Variants in FBXL19 observed in about 807,000 individuals in gnomAD.
The protein encoded by FBXL19 is F-box/LRR-repeat protein 19.
Under a neutral mutation model 71.2 loss-of-function variants are expected in FBXL19, and 16 were observed. The observed-to-expected ratio is 0.22, with a 90% CI of 0.15 to 0.34. The LOEUF (loss-of-function observed/expected upper bound fraction) is 0.34, where lower values mean the gene tolerates loss of function less well. Ranked by LOEUF, FBXL19 falls within the 10% of genes least tolerant of loss-of-function variation. The pLI, the probability that FBXL19 is intolerant of heterozygous loss-of-function variation, is 1.00. For missense variants in FBXL19, 658 were observed against 968.2 expected (o/e 0.68, Z 4.25); for synonymous variants, 447 against 409.4 (o/e 1.09, Z -1.11).
chr16:30,945,850 A>AAAAC (rs1491517037), intron 9 of FBXL19, among the ~76,000 whole-genome samples: 67 of 52,336 alleles, frequency 1.3e-3, no homozygotes, highest in Non-Finnish European at 1.9e-3. Context: ...CGTCTCGGGG[A>AAAAC]AAAAAAAAAA....
chr16:30,922,936 T>C, upstream of FBXL19: 1 of 411,634 alleles, frequency 2.4e-6, no homozygotes, highest in South Asian at 1.8e-5. Flanking sequence ...ATCTTTACGG[T>C]AGTCTCCTCG....
In FBXL19 at chr16:30,946,712, T is replaced by C. The variant is rs1234143085; in HGVS notation, c.1628-18T>C. 3.7e-6 allele frequency: 6 copies of C among 1,606,576 alleles called. No homozygotes were observed. The East Asian group carries it at 1.3e-4, about 36-fold the overall frequency. ...ATGGGAGTGGCCAGGAGTGCTGACC[T>C]CTCATCTGGCTGCCCAGGGCAAACA... On this transcript the variant is annotated intron_variant, in intron 9 of 10. Coordinates refer to ENST00000338343, the MANE Select transcript of FBXL19 (RefSeq NM_001382779.1). This position sits in a 1 kb window ranked among gnomAD's most constrained non-coding sequence, Gnocchi z 6.7.
chr16:30,939,036 G>A (rs890597948), intron 7 of FBXL19, among the ~76,000 whole-genome samples: 4 of 151,982 alleles, frequency 2.6e-5, no homozygotes, highest in African/African-American at 9.7e-5. Context: ...CACCTGGCTA[G>A]GATTTAATAA....
At chr16:30,941,920 G>A (rs1330340486) in intron 7 of FBXL19, among the ~76,000 whole-genome samples, 196 bp from the exon 8 acceptor site, 1 of 152,174 alleles carries the variant, frequency 6.6e-6, no homozygotes, top group Non-Finnish European at 1.5e-5. Flanking sequence ...GACTTGCCCA[G>A]GGTCTCATTT....
chr16:30,925,890 G>T lies in FBXL19; in HGVS notation c.136G>T (p.Gly46Trp). 1 of 1,503,106 alleles carries T rather than the reference G, an allele frequency of 6.7e-7. No homozygotes were observed. The highest frequency in any genetic ancestry group is 1.4e-5 in the South Asian group (1 of 73,616). 93.1% of individuals were successfully genotyped at this position (1,503,106 alleles called of 1,614,324 possible). ...AGACATGAAGAAGTTCGGGGGGCCC[G>T]GGCGCATGAAGCAGTCGTGCCTGCT... ...CRDMKKFGGP[G>W]RMKQSCLLRQ... The change falls in exon 2 of 11, where the codon GGG becomes TGG. Residue 46 changes from glycine to tryptophan, a missense_variant. Gly to Trp is a radical substitution (Grantham distance 184). Transcript: ENST00000338343. The surrounding 1 kb of genome is among the most constrained non-coding windows in gnomAD (Gnocchi z 5.0).
chr16:30,946,751 G>A lies in FBXL19; in HGVS notation c.1649G>A (p.Arg550Gln), dbSNP rs774083377. The change falls in exon 10 of 11, where the codon CGG becomes CAG. Residue 550 changes from arginine (R) to glutamine (Q), a missense_variant. Transcript: ENST00000338343. This position sits in a 1 kb window ranked among gnomAD's most constrained non-coding sequence, Gnocchi z 6.7. The part of the protein sequence containing the change: ...TKPGQTESRG[R>Q]LQGVAELRLA... ...CCAGGGCAAACAGAGAGCCGTGGTC[G>A]GCTGCAGGGGGTGGCAGAACTGCGT... 3 of 1,613,020 alleles carry A rather than the reference G, an allele frequency of 1.9e-6. No individual in the cohort carries two copies. Among genetic ancestry groups the A allele is most frequent in the Non-Finnish European group, 1.7e-6 (2 of 1,179,736 alleles).
chr16:30,940,498 C>G lies in FBXL19; in HGVS notation c.1302-1618C>G, dbSNP rs143458288. Among the ~76,000 whole-genome samples the G allele has an allele frequency of 2.8e-3, 419 of 151,930 alleles. 1 individual carries two copies. Among genetic ancestry groups the G allele is most frequent in the African/African-American group, 7.1e-3 (295 of 41,394 alleles). On this transcript the variant is annotated intron_variant, in intron 7 of 10. Transcript: ENST00000338343. ...AGTCTCAGAGGCATTTCTGGACATGCCTTTGAGAACTACTGAACTCAGAGA... is the reference window on the plus strand; with the variant it reads ...AGTCTCAGAGGCATTTCTGGACATGGCTTTGAGAACTACTGAACTCAGAGA...
Position 30,942,073 on chromosome 16 carries a change from G to C in FBXL19, c.1302-43G>C. On this transcript the variant is annotated intron_variant, in intron 7 of 10. Coordinates refer to ENST00000338343, the MANE Select transcript of FBXL19 (RefSeq NM_001382779.1). The surrounding 1 kb of genome is among the most constrained non-coding windows in gnomAD (Gnocchi z 5.7). ...GAGCCTGGGAACTGTGGGCTGCTGA[G>C]AGCTGAGGGCTGAGGTCTCTGTCTC... The C allele has an allele frequency of 6.7e-7, 1 of 1,492,536 alleles. No individual in the cohort carries two copies. The highest frequency in any genetic ancestry group is 9.0e-7 in the Non-Finnish European group (1 of 1,116,834). 92.5% of individuals were successfully genotyped at this position (1,492,536 alleles called of 1,614,324 possible).
At position 30,948,566 on chromosome 16, in the gene FBXL19, C is replaced by A. The variant is rs1224517937; in HGVS notation, c.*1336C>A. ...GGAGGGGAGATCTATCCACATACCTCAGGTAACAGGGAGGTGCGCGGGTGG... is the reference window on the plus strand; with the variant it reads ...GGAGGGGAGATCTATCCACATACCTAAGGTAACAGGGAGGTGCGCGGGTGG... On this transcript the variant is annotated 3_prime_UTR_variant, in exon 11 of 11. Coordinates refer to ENST00000338343, the MANE Select transcript of FBXL19 (RefSeq NM_001382779.1). 1 of 129,650 alleles carries A rather than the reference C, an allele frequency of 7.7e-6. No homozygotes were observed. Among genetic ancestry groups the A allele is most frequent in the Non-Finnish European group, 1.6e-5 (1 of 63,414 alleles). 8.0% of individuals were successfully genotyped at this position (129,650 alleles called of 1,614,324 possible).
chr16:30,946,851 C>T lies in FBXL19; in HGVS notation c.1749C>T (p.Asp583=). 6.2e-7 allele frequency: 1 copy of T among 1,612,154 alleles called. No homozygotes were observed. Among genetic ancestry groups the T allele is most frequent in the Middle Eastern group, 1.7e-4 (1 of 6,058 alleles). ...ACGCACCCCAGCTGAGCGCCCTGGACCTGAGCCACTGCGCCCACGTCGGGG... is the reference window on the plus strand; with the variant it reads ...ACGCACCCCAGCTGAGCGCCCTGGATCTGAGCCACTGCGCCCACGTCGGGG... ...LRHAPQLSAL[D]LSHCAHVGDP... The change falls in exon 10 of 11, where the codon GAC becomes GAT. Residue 583 remains aspartate, a synonymous_variant. Transcript: ENST00000338343. This position sits in a 1 kb window ranked among gnomAD's most constrained non-coding sequence, Gnocchi z 6.7.
rs899737690 is a variant in FBXL19, at chr16:30,925,352, A to G, written c.-24-379A>G. ...AGAGCCTGGGATATTCTACACTCGG[A>G]TAACAGGGGAAGAGTTGGGATCTCT... On this transcript the variant is annotated intron_variant, in intron 1 of 10. Transcript: ENST00000338343. The surrounding 1 kb of genome is among the most constrained non-coding windows in gnomAD (Gnocchi z 5.0). Among the ~76,000 whole-genome samples, 1 of 152,052 alleles carries G rather than the reference A, an allele frequency of 6.6e-6. No homozygotes were observed. Among genetic ancestry groups the G allele is most frequent in the Non-Finnish European group, 1.5e-5 (1 of 67,992 alleles).
chr16:30,931,295 G>A (rs2055670917), intron 7 of FBXL19, among the ~76,000 whole-genome samples: 1 of 152,078 alleles, frequency 6.6e-6, no homozygotes, highest in African/African-American at 2.4e-5. Flanking sequence ...GCAAGCAGAG[G>A]CCTTCGGCGT....
rs1277928158 is a variant in FBXL19, at chr16:30,947,393, T to TC, written c.*169dup. The TC allele has an allele frequency of 1.6e-6, 1 of 606,266 alleles. No individual in the cohort carries two copies. Among genetic ancestry groups the TC allele is most frequent in the Middle Eastern group, 4.4e-4 (1 of 2,274 alleles). The allele number at this position is 606,266 out of a possible 1,614,324, so 37.6% of individuals were successfully genotyped here. A position where few individuals can be genotyped will look rare whatever the true frequency, so the allele number is the denominator to read the frequency against. On this transcript the variant is annotated 3_prime_UTR_variant, in exon 11 of 11. Transcript: ENST00000338343. ...GACTCAAGCCAGCCACCCCCTTCTTTCCCCCCTGCACTGATATCTCTGGGG... is the reference window on the plus strand; with the variant it reads ...GACTCAAGCCAGCCACCCCCTTCTTTCCCCCCCTGCACTGATATCTCTGGGG...
In FBXL19 at chr16:30,942,518, C is replaced by T. The variant is rs751204433; in HGVS notation, c.1609C>T (p.Pro537Ser). ...DSQLRELLLP[P>S]PDTKPGQTES... ...CCAGCTCCGGGAGTTGCTGCTGCCT[C>T]CACCAGACACCAAACCAGGTGCAAC... The change falls in exon 9 of 11, where the codon CCA becomes TCA. Residue 537 changes from proline to serine, a missense_variant. Transcript: ENST00000338343. The surrounding 1 kb of genome is among the most constrained non-coding windows in gnomAD (Gnocchi z 5.7). The T allele has an allele frequency of 6.3e-6, 10 of 1,590,694 alleles. No individual in the cohort carries two copies. The highest frequency in any genetic ancestry group is 3.3e-4 in the Middle Eastern group (2 of 6,044).
chr16:30,944,558 T>G lies in FBXL19; in HGVS notation c.1627+2022T>G, dbSNP rs543601089. Among the ~76,000 whole-genome samples the G allele has an allele frequency of 3.3e-5, 5 of 152,324 alleles. No homozygotes were observed. In the South Asian group the frequency reaches 8.3e-4, roughly 25 times the overall value. Reference sequence around the variant, plus strand: ...TGGCTGCATAGTATTCCATGGTGTATATGTACCACATTTTCTTTATTCATT... The same window carrying G: ...TGGCTGCATAGTATTCCATGGTGTAGATGTACCACATTTTCTTTATTCATT... On this transcript the variant is annotated intron_variant, in intron 9 of 10. Transcript: ENST00000338343.
intron 7 of FBXL19, among the ~76,000 whole-genome samples, chr16:30,933,596 C>T (rs1352738431): frequency 6.7e-6 from 1 of 149,146 alleles, no homozygotes; most frequent in Non-Finnish European, 1.5e-5. Flanking sequence ...ATTGCAGGCA[C>T]ATGCCACTGT....
intron 9 of FBXL19, among the ~76,000 whole-genome samples, chr16:30,945,611 C>T (rs1407517752): frequency 2.7e-5 from 4 of 148,558 alleles, no homozygotes; most frequent in African/African-American, 1.0e-4. Flanking sequence ...TGCAGTGAGC[C>T]GAGATTGCAC....
rs2055869713 is a variant in FBXL19, at chr16:30,947,200, TGAG to T, written c.1999_2001del (p.Glu667del). The stretch of plus-strand genomic sequence containing the variant: ...GGCCCCCTGGCCCCTTCCGCTGCCC[TGAG>T]GAGAAGCTGCTTCTCAAGGACAGCT... On this transcript the variant is annotated inframe_deletion, in exon 11 of 11. Transcript: ENST00000338343. 1 of 1,596,224 alleles carries T rather than the reference TGAG, an allele frequency of 6.3e-7. No homozygotes were observed. Among genetic ancestry groups the T allele is most frequent in the Admixed American group, 1.7e-5 (1 of 59,658 alleles).
rs200464938 is a variant in FBXL19 at position 30,930,662 on chromosome 16, C to G, written c.1301+78C>G. 7.3e-7 allele frequency: 1 copy of G among 1,375,298 alleles called. No homozygotes were observed. The highest frequency in any genetic ancestry group is 1.7e-5 in the South Asian group (1 of 58,754). 85.2% of individuals were successfully genotyped at this position (1,375,298 alleles called of 1,614,324 possible). On this transcript the variant is annotated intron_variant, in intron 7 of 10. Coordinates refer to ENST00000338343, the MANE Select transcript of FBXL19 (RefSeq NM_001382779.1). The surrounding 1 kb of genome is among the most constrained non-coding windows in gnomAD (Gnocchi z 8.5). ...TGGGTGACCTGCGGTAGGTCTCTGG[C>G]CCTCTCTGGGCCTTGCTTTTATATT...
Sources: gnomAD v4.1 joint callset for allele counts (sites outside exome capture counted in the v4.1 genomes callset) on GRCh38, gnomAD v4.1.1 for gene constraint, Gnocchi (gnomAD v3.1) non-coding constraint, MANE v1.5 for transcripts, NCBI Gene and HGNC (gene_info 2026-07-23, HGNC 2026-07-21) for gene names.